CCDC78: variants seen among roughly 807,000 people sequenced by gnomAD.
The protein encoded by CCDC78 is coiled-coil domain-containing protein 78.
Under a neutral mutation model 61.9 loss-of-function variants are expected in CCDC78, and 78 were observed. That is an observed-to-expected ratio of 1.26 (90% CI 1.05 to 1.52). The LOEUF (loss-of-function observed/expected upper bound fraction) is 1.52. CCDC78 is among the 40% of genes most tolerant of loss of function. CCDC78 has a pLI of 0.00. For synonymous variants in CCDC78, 287 were observed against 251.9 expected, an observed-to-expected ratio of 1.14 and a Z score of -1.32; for missense variants, 737 against 615.5, an observed-to-expected ratio of 1.20 and a Z score of -2.09.
intron 9 of CCDC78, 36 bp from the exon 10 acceptor site, chr16:724,241 C>T: frequency 1.3e-6 from 2 of 1,585,024 alleles, no homozygotes; most frequent in Non-Finnish European, 1.7e-6. Context: ...TGGGGCCACT[C>T]CTGCTGCACA....
intron 13 of CCDC78, 51 bp from the exon 14 acceptor site, chr16:722,840 G>A: frequency 2.5e-6 from 4 of 1,608,528 alleles, no homozygotes; most frequent in African/African-American, 1.3e-5. Flanking sequence ...GGACAGGTCT[G>A]CTTTTAGCGC....
chr16:725,012 C>T (rs1223671502), intron 6 of CCDC78, 23 bp from the exon 7 acceptor site: 7 of 1,612,362 alleles, frequency 4.3e-6, no homozygotes, highest in South Asian at 1.1e-5. Flanking sequence ...GGGTGAGGCT[C>T]AGCAGGCCCA....
In CCDC78 at chr16:722,795, C is replaced by T. The variant is rs757695991; in HGVS notation, c.1302-6G>A. The T allele has an allele frequency of 5.6e-6, 9 of 1,612,496 alleles. No individual in the cohort carries two copies. Among genetic ancestry groups the T allele is most frequent in the Non-Finnish European group, 7.6e-6 (9 of 1,179,910 alleles). Reference sequence around the variant, plus strand: ...TCAGGATTTCGTGCTTGTACCTGCTCAGAGGAACCATGCTTAAGTGACTTG... The same window carrying T: ...TCAGGATTTCGTGCTTGTACCTGCTTAGAGGAACCATGCTTAAGTGACTTG... On this transcript the variant is annotated splice_polypyrimidine_tract_variant and splice_region_variant and intron_variant, in intron 13 of 13. Coordinates refer to ENST00000345165, the MANE Select transcript of CCDC78 (RefSeq NM_001378030.1).
chr16:725,285 G>A lies in CCDC78; in HGVS notation c.444C>T (p.Pro148=), dbSNP rs2151564512. 1 of 1,607,590 alleles carries A rather than the reference G, an allele frequency of 6.2e-7. No homozygotes were observed. Among genetic ancestry groups the A allele is most frequent in the Middle Eastern group, 1.7e-4 (1 of 6,060 alleles). The change falls in exon 5 of 14, where the codon CCC becomes CCT. Residue 148 remains proline (P), a synonymous_variant. Transcript: ENST00000345165. ...HSDDHRFQVQ[P]KNTMNPENEQ... is the part of the protein sequence containing the mutation. ...CATTCTCGGGGTTCATGGTGTTCTT[G>A]GGCTGCACCTGAATGGAAGGGAGGG...
rs764422260 is a variant in CCDC78, at chr16:724,463, C to T, written c.812G>A (p.Arg271Gln). The T allele has an allele frequency of 3.6e-5, 57 of 1,602,298 alleles. No homozygotes were observed. In the Admixed American group the frequency reaches 6.3e-4, roughly 18 times the overall value. Residue 271 changes from arginine to glutamine, a missense_variant, in exon 9 of 14, where the codon CGG becomes CAG. Physicochemically the swap from Arg to Gln is conservative, Grantham distance 43. Coordinates refer to ENST00000345165, the MANE Select transcript of CCDC78 (RefSeq NM_001378030.1). Reference sequence around the variant, plus strand: ...CTCCAGAGTCGCCTCCAGGAATGTCCGGAGGGCCGTGGTGGCTGGCGCTTG... The same window carrying T: ...CTCCAGAGTCGCCTCCAGGAATGTCTGGAGGGCCGTGGTGGCTGGCGCTTG... ...AGQAPATTAL[R>Q]TFLEATLEDI...
In CCDC78 at chr16:722,984, C is replaced by T; in HGVS notation, c.1239G>A (p.Arg413=). The T allele has an allele frequency of 6.2e-7, 1 of 1,612,468 alleles. No homozygotes were observed. Among genetic ancestry groups the T allele is most frequent in the Non-Finnish European group, 8.5e-7 (1 of 1,180,000 alleles). ...AAAGTTGCTCTTCAGCCATCGTGGC[C>T]CGGACCAGCAGCTGTGCCCGCTCCC... The part of the protein sequence containing the change: ...LERERAQLLV[R]ATMAEEQLSE... Residue 413 remains arginine, a synonymous_variant, in exon 13 of 14, where the codon CGG becomes CGA. Coordinates refer to ENST00000345165, the MANE Select transcript of CCDC78 (RefSeq NM_001378030.1).
At chr16:725,940 C>G (rs117595867) in intron 2 of CCDC78, 26 bp downstream of exon 2, 3 of 1,570,922 alleles carry the variant, frequency 1.9e-6, no homozygotes, top group African/African-American at 1.3e-5. Flanking sequence ...TCCCTCCTCA[C>G]GAGCACGCTG....
At chr16:726,237 C>T (rs1407963890) in intron 1 of CCDC78, 71 bp downstream of exon 1, 1 of 1,549,784 alleles carries the variant, frequency 6.5e-7, no homozygotes, top group Non-Finnish European at 8.7e-7. Flanking sequence ...GGAACCTGCA[C>T]CCTCCTGGCC....
intron 8 of CCDC78, 64 bp from the exon 9 acceptor site, chr16:724,573 C>A: frequency 6.4e-7 from 1 of 1,558,558 alleles, no homozygotes; most frequent in Non-Finnish European, 8.6e-7. Context: ...ATCCCCCCAC[C>A]CCAGCAGGCT....
At position 724,430 on chromosome 16, in the gene CCDC78, C is replaced by T. The variant is rs201634385; in HGVS notation, c.845G>A (p.Arg282Gln). The change falls in exon 9 of 14, where the codon CGG becomes CAG. Residue 282 changes from arginine (R) to glutamine (Q), a missense_variant. Transcript: ENST00000345165. ...CTGCTCACGGCTGCGGTGCGCTGCC[C>T]GGATGTCCTCCAGAGTCGCCTCCAG... ...TFLEATLEDIRAAHRSREQQL... is the reference protein window; with the variant it reads ...TFLEATLEDIQAAHRSREQQL... The T allele has an allele frequency of 4.9e-5, 78 of 1,607,704 alleles. No individual in the cohort carries two copies. In the Middle Eastern group the frequency reaches 5.0e-4, roughly 10 times the overall value.
At chr16:723,300 G>A (rs1443950545) in intron 11 of CCDC78, 139 bp from the exon 12 acceptor site, 11 of 937,640 alleles carry the variant, frequency 1.2e-5, no homozygotes, top group East Asian at 2.7e-5. Flanking sequence ...GGCCCCCCCC[G>A]TGCTCCTGTG....
In CCDC78 at chr16:725,805, G is replaced by C. The variant is rs748438652; in HGVS notation, c.256C>G (p.Leu86Val). ...HEQHEAEIFQ[L>V]KSEILRLESR... ...ACACGGCTGCTCACCTCACTCTTCA[G>C]CTGGAAGATTTCAGCCTCATGCTGC... is the stretch of plus-strand genomic sequence containing the variant. Residue 86 changes from leucine (L) to valine (V), a missense_variant, in exon 3 of 14, where the codon CTG (leucine) becomes GTG (valine). Transcript: ENST00000345165. The C allele has an allele frequency of 1.1e-5, 18 of 1,608,032 alleles. No individual in the cohort carries two copies. The highest frequency in any genetic ancestry group is 1.7e-5 in the Admixed American group (1 of 59,466).
Position 725,077 on chromosome 16 carries a change from C to T in CCDC78, c.560+1G>A. On this transcript the variant is annotated splice_donor_variant, in intron 6 of 13. Transcript: ENST00000345165. LOFTEE classifies it high-confidence loss of function. ...GGGCCCCAGGTGAGATGGCCACTCA[C>T]ACACGCGTCACCAGTGCCTGCTGCC... The T allele has an allele frequency of 2.5e-6, 4 of 1,612,672 alleles. No homozygotes were observed. Among genetic ancestry groups the T allele is most frequent in the Non-Finnish European group, 3.4e-6 (4 of 1,179,876 alleles).
rs1339306694 is a variant in CCDC78 at position 726,002 on chromosome 16, T to C, written c.144A>G (p.Pro48=). ...GCTCCTTATTGAGCGCTAGATCTGG[T>C]GGGACCTCTGCTTCCAAGCTGGTGG... ...VWATSLEAEV[P]PDLALNKEQQ... The change falls in exon 2 of 14, where the codon CCA becomes CCG. Residue 48 remains proline (P), a synonymous_variant. Transcript: ENST00000345165. 2 of 1,549,970 alleles carry C rather than the reference T, an allele frequency of 1.3e-6. No homozygotes were observed. Among genetic ancestry groups the C allele is most frequent in the East Asian group, 4.9e-5 (2 of 41,004 alleles).
Position 726,323 on chromosome 16 carries a change from A to AGAGG in CCDC78, c.41_44dup (p.Arg16LeufsTer41), listed in dbSNP as rs1316116416. ...GAGGACTCACATTCTCCACCCGCCGAGAGGGAGGTCCAGGCCTGGGGCCTG... is the reference window on the plus strand; with the variant it reads ...GAGGACTCACATTCTCCACCCGCCGAGAGGGAGGGAGGTCCAGGCCTGGGGCCTG... On this transcript the variant is annotated frameshift_variant, in exon 1 of 14. Transcript: ENST00000345165. LOFTEE classifies it high-confidence loss of function. 5 of 1,548,276 alleles carry AGAGG rather than the reference A, an allele frequency of 3.2e-6. No homozygotes were observed. The African/African-American group carries it at 6.9e-5, about 21-fold the overall frequency.
rs1372182699 is a variant in CCDC78, at chr16:722,672, G to T, written c.*6C>A. 2 of 1,602,924 alleles carry T rather than the reference G, an allele frequency of 1.2e-6. No homozygotes were observed. Among genetic ancestry groups the T allele is most frequent in the South Asian group, 2.2e-5 (2 of 91,004 alleles). ...CTCTGCTCTGCTCTGCTCCTTGGGA[G>T]ACGGCCTAGTGGCTGCCGGTCCTTG... On this transcript the variant is annotated 3_prime_UTR_variant, in exon 14 of 14. Coordinates refer to ENST00000345165, the MANE Select transcript of CCDC78 (RefSeq NM_001378030.1).
rs142353908 is a variant in CCDC78, at chr16:724,804, C to T, written c.642G>A (p.Val214=). The T allele has an allele frequency of 1.8e-5, 29 of 1,612,090 alleles. No homozygotes were observed. In the African/African-American group the frequency reaches 3.3e-4, roughly 19 times the overall value. The stretch of plus-strand genomic sequence containing the variant: ...GGAGCTGGCCTTGGCAGCTGCACAG[C>T]ACCTGGGGTGGAAGCAGCCCTCCAC... ...AGQRLATQAV[V]LCSCQGQLRQ... Residue 214 remains valine, a splice_region_variant and synonymous_variant, in exon 8 of 14, where the codon GTG becomes GTA. Coordinates refer to ENST00000345165, the MANE Select transcript of CCDC78 (RefSeq NM_001378030.1).
chr16:724,047 G>T, intron 10 of CCDC78, 59 bp downstream of exon 10: 1 of 896,006 alleles, frequency 1.1e-6, no homozygotes. Flanking sequence ...GGCCAGTGTG[G>T]GGCAGTGGGT....
intron 11 of CCDC78, 184 bp downstream of exon 11, chr16:723,673 T>C (rs1285695542): frequency 1.4e-6 from 1 of 704,398 alleles, no homozygotes; most frequent in East Asian, 2.7e-5. Context: ...CTCTTTCCTG[T>C]GATTATCAGT....
Sources: gnomAD v4.1 joint callset for allele counts on GRCh38, gnomAD v4.1.1 for gene constraint, MANE v1.5 for transcripts, NCBI Gene and HGNC (gene_info 2026-07-23, HGNC 2026-07-21) for gene names.